The following DCN variants were observed in gnomAD, a reference collection of about 807,000 sequenced individuals.
The protein encoded by DCN is bone proteoglycan II.
In DCN, 17 loss-of-function variants were observed where a neutral mutation model predicts 36.5. The ratio of observed to expected loss-of-function variants is 0.47; its 90% confidence interval spans 0.32 to 0.70. The LOEUF (loss-of-function observed/expected upper bound fraction) is 0.70. Among genes scored for constraint, DCN ranks in the 30% least tolerant of loss-of-function variants. The pLI is 0.04. For missense variants in DCN, 389 were observed against 430.1 expected (o/e 0.90, Z 0.84); for synonymous variants, 163 against 161.4 (o/e 1.01, Z -0.07).
intron 3 of DCN, among the ~76,000 whole-genome samples, chr12:91,161,987 C>A (rs1882185505): frequency 6.6e-6 from 1 of 150,722 alleles, no homozygotes; most frequent in South Asian, 2.1e-4. Flanking sequence ...GTCACCAGGG[C>A]TGCAGTGCAG....
At chr12:91,164,761 T>C in intron 2 of DCN, 44 bp from the exon 3 acceptor site, 3 of 950,208 alleles carry the variant, frequency 3.2e-6, no homozygotes, top group Non-Finnish European at 5.2e-6. Flanking sequence ...AGAAAGGACA[T>C]GTGGCTACAG....
chr12:91,161,836 TA>T (rs1255153941), intron 3 of DCN, among the ~76,000 whole-genome samples: 4 of 152,218 alleles, frequency 2.6e-5, no homozygotes, highest in Non-Finnish European at 5.9e-5. Flanking sequence ...TAATGATGCC[TA>T]ATTTTTTCTT....
In DCN at chr12:91,141,084, C is replaced by A. The variant is rs973863906; in HGVS notation, c.*4974G>T. ...ATTCTCTCTTGGCCTATTCCTGTTA[C>A]CTTACAGTCTATACACGCAAAGGGA... On this transcript the variant is annotated 3_prime_UTR_variant, in exon 8 of 8. Coordinates refer to ENST00000052754, the MANE Select transcript of DCN (RefSeq NM_001920.5). 2 of 152,146 alleles carry A rather than the reference C, an allele frequency of 1.3e-5. No homozygotes were observed. The highest frequency in any genetic ancestry group is 2.9e-5 in the Non-Finnish European group (2 of 68,080). 9.4% of individuals were successfully genotyped at this position (152,146 alleles called of 1,614,324 possible). A position where few individuals can be genotyped will look rare whatever the true frequency, so the allele number is the denominator to read the frequency against.
At chr12:91,157,729 C>T (rs1184445730) in intron 4 of DCN, among the ~76,000 whole-genome samples, 1 of 151,864 alleles carries the variant, frequency 6.6e-6, no homozygotes, top group Non-Finnish European at 1.5e-5. Flanking sequence ...CCCGGGTTCA[C>T]GCCATTCTCC....
At chr12:91,146,585 C>T (rs1477511714) in intron 7 of DCN, among the ~76,000 whole-genome samples, 1 of 152,046 alleles carries the variant, frequency 6.6e-6, no homozygotes, top group Non-Finnish European at 1.5e-5. Flanking sequence ...AACTTCTGAC[C>T]TCAAGTGATC....
rs776646201 is a variant in DCN, at chr12:91,158,408, C to T, written c.426G>A (p.Lys142=). ...TTTTGGGCATTTTTTCTGGCAATTC[C>T]TTCAGCTGATTCTTGGACAGATAAA... is the stretch of plus-strand genomic sequence containing the variant. ...ERLYLSKNQL[K]ELPEKMPKTL... Residue 142 remains lysine, a synonymous_variant, in exon 4 of 8, where the codon AAG becomes AAA. Transcript: ENST00000052754. The T allele has an allele frequency of 1.2e-6, 2 of 1,611,120 alleles. No homozygotes were observed. The highest frequency in any genetic ancestry group is 1.7e-6 in the Non-Finnish European group (2 of 1,177,242).
At chr12:91,156,239 GT>G (rs1881757537) in intron 5 of DCN, among the ~76,000 whole-genome samples, 1 of 152,138 alleles carries the variant, frequency 6.6e-6, no homozygotes, top group African/African-American at 2.4e-5. Flanking sequence ...GTCTGGCTTG[GT>G]TTTAGAGAGT....
At chr12:91,174,170 A>AG (rs1231393691) in intron 2 of DCN, among the ~76,000 whole-genome samples, 1 of 152,152 alleles carries the variant, frequency 6.6e-6, no homozygotes, top group Non-Finnish European at 1.5e-5. Flanking sequence ...TTTTGTTCAA[A>AG]GGAATATTGG....
At chr12:91,147,917 A>G (rs1019943120) in intron 7 of DCN, among the ~76,000 whole-genome samples, 2 of 152,200 alleles carry the variant, frequency 1.3e-5, no homozygotes, top group Admixed American at 1.3e-4. Flanking sequence ...TAATTTGGCC[A>G]TAGATTTTCT....
rs1880731129 is a variant in DCN at position 91,140,754 on chromosome 12, C to A, written c.*5304G>T. 1 of 152,134 alleles carries A rather than the reference C, an allele frequency of 6.6e-6. No homozygotes were observed. The highest frequency in any genetic ancestry group is 2.4e-5 in the African/African-American group (1 of 41,424). 9.4% of individuals were successfully genotyped at this position (152,134 alleles called of 1,614,324 possible). Reference sequence around the variant, plus strand: ...CACCTCCATATGGAAGTTGAATATGCATCTCAAAAAGAACAGATTCAAAAC... The same window carrying A: ...CACCTCCATATGGAAGTTGAATATGAATCTCAAAAAGAACAGATTCAAAAC... On this transcript the variant is annotated 3_prime_UTR_variant, in exon 8 of 8. Transcript: ENST00000052754.
chr12:91,157,118 G>A lies in DCN; in HGVS notation c.609C>T (p.Ser203=), dbSNP rs980996530. Residue 203 remains serine, a synonymous_variant, in exon 5 of 8, where the codon TCC becomes TCT. Transcript: ENST00000052754. ...TATTGGTATCAGCAATGCGGATGTA[G>A]GAGAGCTTCTTCATTCCCTGGAAAG... ...NGAFQGMKKL[S]YIRIADTNIT... The A allele has an allele frequency of 6.2e-7, 1 of 1,613,262 alleles. No homozygotes were observed. The highest frequency in any genetic ancestry group is 8.5e-7 in the Non-Finnish European group (1 of 1,179,414).
intron 7 of DCN, among the ~76,000 whole-genome samples, chr12:91,148,582 G>A (rs1412208778): frequency 1.3e-5 from 2 of 151,550 alleles, no homozygotes; most frequent in Admixed American, 6.6e-5. Flanking sequence ...ATGGCATGGC[G>A]GCACGTGCCT....
rs1485914201 is a variant in DCN at position 91,141,888 on chromosome 12, A to G, written c.*4170T>C. 10 of 152,106 alleles carry G rather than the reference A, an allele frequency of 6.6e-5. No individual in the cohort carries two copies. The highest frequency in any genetic ancestry group is 6.6e-4 in the Admixed American group (10 of 15,256). The allele number at this position is 152,106 out of a possible 1,614,324, so 9.4% of individuals were successfully genotyped here. On this transcript the variant is annotated 3_prime_UTR_variant, in exon 8 of 8. Transcript: ENST00000052754. ...CACCCAGTCCTTTTCTGGTTATCTT[A>G]TACTGGGGTAGGGTGTGCATATGCC...
chr12:91,165,337 T>C (rs1037880110), intron 2 of DCN, among the ~76,000 whole-genome samples: 8 of 152,214 alleles, frequency 5.3e-5, no homozygotes, highest in Admixed American at 1.3e-4. Flanking sequence ...ATATGGCTAG[T>C]TAGAATGAAA....
chr12:91,159,365 T>C (rs1210349808), intron 3 of DCN, among the ~76,000 whole-genome samples: 1 of 152,198 alleles, frequency 6.6e-6, no homozygotes, highest in Admixed American at 6.5e-5. Context: ...TAATATCATG[T>C]TGTAGCTCAT....
At chr12:91,171,135 C>T (rs1012875235) in intron 2 of DCN, among the ~76,000 whole-genome samples, 30 of 152,132 alleles carry the variant, frequency 2.0e-4, no homozygotes, top group African/African-American at 7.2e-4. Context: ...AAAACAAAGT[C>T]ATTAAGGTAC....
intron 1 of DCN, among the ~76,000 whole-genome samples, 196 bp from the exon 2 acceptor site, chr12:91,178,781 C>G (rs1188040637): frequency 4.6e-5 from 7 of 152,094 alleles, no homozygotes; most frequent in African/African-American, 1.7e-4. Flanking sequence ...CAGCTATTTA[C>G]TTAGGATGAG....
intron 7 of DCN, among the ~76,000 whole-genome samples, chr12:91,148,199 G>C (rs998679797): frequency 1.3e-5 from 2 of 151,014 alleles, no homozygotes; most frequent in Non-Finnish European, 2.9e-5. Context: ...TCAGCCTCCC[G>C]AGTAGCTGGG....
intron 6 of DCN, 89 bp from the exon 7 acceptor site, chr12:91,151,881 G>A (rs1042625415): frequency 6.5e-7 from 1 of 1,527,966 alleles, no homozygotes; most frequent in Non-Finnish European, 9.0e-7. Flanking sequence ...TATAGGAAAG[G>A]ACATTTTTTG....
Sources: allele counts gnomAD v4.1 joint callset (sites outside exome capture counted in the v4.1 genomes callset), GRCh38; gene constraint gnomAD v4.1.1; transcripts MANE v1.5; gene names NCBI Gene and HGNC (gene_info 2026-07-23, HGNC 2026-07-21).